The following FHL1 variants were observed in gnomAD, a reference collection of about 807,000 sequenced individuals.
The protein encoded by FHL1 is four and a half LIM domains protein 1.
In FHL1, 1 loss-of-function variant was observed where a neutral mutation model predicts 20.3. The observed-to-expected ratio is 0.05, with a 90% CI of 0.02 to 0.23. The LOEUF (loss-of-function observed/expected upper bound fraction) is 0.23, where lower values mean the gene tolerates loss of function less well. Among genes scored for constraint, FHL1 ranks in the 10% least tolerant of loss-of-function variants. The probability of loss-of-function intolerance (pLI) is 1.00; values close to 1 mark genes in which losing one functional copy is unlikely to be tolerated. For synonymous variants in FHL1, 82 were observed against 88.9 expected (o/e 0.92, Z 0.44); for missense variants, 177 against 234.0 (o/e 0.76, Z 1.59).
chrX:136,152,651 C>T (rs1034961648), intron 1 of FHL1, among the ~76,000 whole-genome samples: 3 of 93,053 alleles, frequency 3.2e-5, no homozygotes, highest in Admixed American at 1.4e-4. Flanking sequence ...ATCCAGGAGT[C>T]GGAGGTTGCA....
At chrX:136,150,162 A>G (rs1363311543) in intron 1 of FHL1, among the ~76,000 whole-genome samples, 1 of 112,272 alleles carries the variant, frequency 8.9e-6, no homozygotes, top group African/African-American at 3.2e-5. Flanking sequence ...AGTCGGATCA[A>G]ATTCTCTTGC....
chrX:136,205,324 G>A (rs1275699214), intron 1 of FHL1, among the ~76,000 whole-genome samples: 1 of 111,328 alleles, frequency 9.0e-6, no homozygotes, highest in East Asian at 2.8e-4. Flanking sequence ...TTGTTCATAC[G>A]GAGGGAGTGG....
chrX:136,177,507 T>C (rs1010429112), intron 2 of FHL1, among the ~76,000 whole-genome samples: 5 of 112,397 alleles, frequency 4.4e-5, no homozygotes, highest in East Asian at 2.8e-4. Flanking sequence ...TTGAGACTTA[T>C]AAAAACATTC....
upstream of FHL1, chrX:136,146,934 T>A (rs1406464479): frequency 3.0e-6 from 1 of 328,128 alleles, no homozygotes; most frequent in Non-Finnish European, 5.9e-6. Context: ...TCGGCGCCGC[T>A]GCAAGCCACC....
upstream of FHL1, among the ~76,000 whole-genome samples, chrX:136,166,513 A>G (rs928450416): frequency 2.7e-5 from 3 of 112,071 alleles, no homozygotes; most frequent in Non-Finnish European, 5.6e-5. Flanking sequence ...AAGCCGGAAC[A>G]TGTAGAGGTG....
chrX:136,187,605 G>T (rs1420833593), intron 2 of FHL1, among the ~76,000 whole-genome samples: 1 of 110,405 alleles, frequency 9.1e-6, no homozygotes, highest in Non-Finnish European at 1.9e-5. Context: ...CTAAGTGAAA[G>T]AAATCAGCCA....
chrX:136,195,938 G>A (rs2073545626), upstream of FHL1, among the ~76,000 whole-genome samples: 1 of 111,962 alleles, frequency 8.9e-6, no homozygotes, highest in Admixed American at 9.5e-5. Flanking sequence ...TGTTTTGGAG[G>A]CTTGATGGAT....
chrX:136,202,482 A>G (rs2073738567), intron 1 of FHL1, among the ~76,000 whole-genome samples: 1 of 111,993 alleles, frequency 8.9e-6, no homozygotes, highest in East Asian at 2.8e-4. Context: ...CTGTAATCTC[A>G]GGTGCGGTGG....
chrX:136,153,294 C>G (rs1603241055), intron 1 of FHL1, among the ~76,000 whole-genome samples: 1 of 88,105 alleles, frequency 1.1e-5, no homozygotes, highest in Admixed American at 1.3e-4. Flanking sequence ...TGGGGGGGGG[C>G]AGGAAAAGGA....
chrX:136,162,448 C>A (rs1454075898), intron 1 of FHL1, among the ~76,000 whole-genome samples: 1 of 112,032 alleles, frequency 8.9e-6, no homozygotes, highest in Non-Finnish European at 1.9e-5. Context: ...GAGTTCCAGA[C>A]CAGCCTGGGC....
rs1247003928 is a variant in FHL1, at chrX:136,210,758, C to T, written c.*733C>T. 3 of 387,571 alleles carry T rather than the reference C, an allele frequency of 7.7e-6. No homozygotes were observed. The highest frequency in any genetic ancestry group is 2.6e-5 in the South Asian group (1 of 38,918). 31.9% of individuals were successfully genotyped at this position (387,571 alleles called of 1,213,427 possible). On this transcript the variant is annotated 3_prime_UTR_variant, in exon 6 of 6. Coordinates refer to ENST00000370683, the MANE Select transcript of FHL1 (RefSeq NM_001159699.2). ...CTGTTTCAGAGGAACATCGTCACAA[C>T]GAATACTTCTGGAAGCTTAACAAAA...
chrX:136,188,349 C>T (rs2073358166), intron 2 of FHL1, among the ~76,000 whole-genome samples: 1 of 111,344 alleles, frequency 9.0e-6, no homozygotes, highest in South Asian at 3.8e-4. Context: ...ATCTTTTGGA[C>T]CAGTGTGCCC....
At chrX:136,205,827 G>A (rs1032069235) in intron 1 of FHL1, among the ~76,000 whole-genome samples, 14 of 111,731 alleles carry the variant, frequency 1.3e-4, no homozygotes, top group African/African-American at 4.6e-4. Flanking sequence ...GACGGAGGAA[G>A]AGCTGAAAGC....
At chrX:136,146,937 A>G (rs1301887576), upstream of FHL1, 2 of 327,045 alleles carry the variant, frequency 6.1e-6, no homozygotes. Context: ...GCGCCGCTGC[A>G]AGCCACCGGG....
rs754226804 is a variant in FHL1, at chrX:136,202,086, T to C, written c.23-4321T>C. The stretch of plus-strand genomic sequence containing the variant: ...CCAAAAGAAGAGGTAAAATGCTGGC[T>C]GGGCATGGTGGCTCATGCCTGCAAT... On this transcript the variant is annotated intron_variant, in intron 1 of 5. Coordinates refer to ENST00000370683, the MANE Select transcript of FHL1 (RefSeq NM_001159699.2). Among the ~76,000 whole-genome samples the C allele has an allele frequency of 4.4e-5, 5 of 112,422 alleles. No homozygotes were observed. In the East Asian group the frequency reaches 1.4e-3, roughly 32 times the overall value.
upstream of FHL1, among the ~76,000 whole-genome samples, chrX:136,169,095 AG>A (rs2148295947): frequency 8.9e-6 from 1 of 111,753 alleles, no homozygotes; most frequent in South Asian, 3.8e-4. Context: ...TGTGAATTCT[AG>A]GATTTCACAC....
chrX:136,147,316 A>C (rs1285691370), upstream of FHL1: 5 of 48,162 alleles, frequency 1.0e-4, no homozygotes, highest in Non-Finnish European at 1.5e-4. Flanking sequence ...CCCTCTCCCC[A>C]CGCCCGTCCG....
chrX:136,208,052 T>C (rs762569499), intron 4 of FHL1, 91 bp downstream of exon 4: 1 of 1,006,975 alleles, frequency 9.9e-7, no homozygotes, highest in East Asian at 3.0e-5. Flanking sequence ...TCCCATTCCA[T>C]CCTCACGACA....
chrX:136,160,112 C>T (rs2072525889), intron 1 of FHL1, among the ~76,000 whole-genome samples: 1 of 111,741 alleles, frequency 8.9e-6, no homozygotes, highest in Non-Finnish European at 1.9e-5. Flanking sequence ...CTATGATGGG[C>T]AATTACAAGT....
Sources: allele counts gnomAD v4.1 joint callset (sites outside exome capture counted in the v4.1 genomes callset), GRCh38; gene constraint gnomAD v4.1.1; transcripts MANE v1.5; gene names NCBI Gene and HGNC (gene_info 2026-07-23, HGNC 2026-07-21).